Variants in NFIB observed in about 807,000 individuals in gnomAD.
NFIB encodes the protein nuclear factor 1 B-type.
Under a neutral mutation model 61.5 loss-of-function variants are expected in NFIB, and 11 were observed. That is an observed-to-expected ratio of 0.18 (90% CI 0.11 to 0.30). The LOEUF is 0.30. Ranked by LOEUF, NFIB falls within the 10% of genes least tolerant of loss-of-function variation. The pLI is 1.00. For synonymous variants in NFIB, 260 were observed against 216.5 expected (o/e 1.20, Z -1.76); for missense variants, 471 against 608.9 (o/e 0.77, Z 2.38).
At chr9:14,456,242 T>G in the NFIB span, among the ~76,000 whole-genome samples, 3 of 151,254 alleles carry the variant, frequency 2.0e-5, no homozygotes, top group African/African-American at 7.3e-5. Context: ...GGCATGAAAG[T>G]GAATATCACT....
intron 1 of NFIB, among the ~76,000 whole-genome samples, chr9:14,395,087 A>G (rs1417421941): frequency 6.6e-6 from 1 of 152,092 alleles, no homozygotes; most frequent in Non-Finnish European, 1.5e-5. Flanking sequence ...TTCTGCTTTT[A>G]CTAGACTGGT....
intron 2 of NFIB, among the ~76,000 whole-genome samples, chr9:14,197,896 A>G (rs1223920792): frequency 2.0e-5 from 3 of 152,228 alleles, no homozygotes; most frequent in Non-Finnish European, 2.9e-5. Context: ...CAAGAAAGAC[A>G]GCATATCTCG....
intron 2 of NFIB, among the ~76,000 whole-genome samples, chr9:14,236,073 T>A (rs567398339): frequency 1.3e-5 from 2 of 152,192 alleles, no homozygotes; most frequent in African/African-American, 4.8e-5. Context: ...GCATTGATCA[T>A]AACACAATAA....
At chr9:14,527,066 A>G in the NFIB span, among the ~76,000 whole-genome samples, 3 of 152,226 alleles carry the variant, frequency 2.0e-5, no homozygotes, top group African/African-American at 7.2e-5. Context: ...TTCCCACATA[A>G]GAAAGTATCT....
chr9:14,512,165 C>T, the NFIB span, among the ~76,000 whole-genome samples: 1 of 152,110 alleles, frequency 6.6e-6, no homozygotes, highest in Non-Finnish European at 1.5e-5. Flanking sequence ...CCATGAGTAG[C>T]GCTGGTCCCA....
chr9:14,157,757 T>C lies in NFIB; in HGVS notation c.617-1864A>G, dbSNP rs541797402. On this transcript the variant is annotated intron_variant, in intron 3 of 10. Coordinates refer to ENST00000380953, the MANE Select transcript of NFIB (RefSeq NM_001190737.2). ...TCTTCTGGACCACTGTAACTTACTA[T>C]CATATAGAAAGATTTTTGTTGCTTT... Among the ~76,000 whole-genome samples, 5 of 152,270 alleles carry C rather than the reference T, an allele frequency of 3.3e-5. No individual in the cohort carries two copies. In the South Asian group the frequency reaches 1.0e-3, roughly 32 times the overall value.
chr9:14,492,054 G>A, the NFIB span, among the ~76,000 whole-genome samples: 4 of 152,092 alleles, frequency 2.6e-5, no homozygotes, highest in African/African-American at 9.7e-5. Context: ...AGAAATACCT[G>A]AGACTGGGTA....
chr9:14,448,722 G>A, the NFIB span, among the ~76,000 whole-genome samples: 1 of 152,324 alleles, frequency 6.6e-6, no homozygotes, highest in East Asian at 1.9e-4. Flanking sequence ...TGGGAGCACA[G>A]AGCTGTGTAC....
chr9:14,296,959 C>T (rs1417883458), intron 2 of NFIB, among the ~76,000 whole-genome samples: 1 of 152,170 alleles, frequency 6.6e-6, no homozygotes. Flanking sequence ...ATCTAAGCCC[C>T]GCCTTTCTCT....
chr9:14,500,293 G>A, the NFIB span, among the ~76,000 whole-genome samples: 5 of 152,288 alleles, frequency 3.3e-5, no homozygotes, highest in South Asian at 2.1e-4. Flanking sequence ...TCCCTAAGAC[G>A]TTAAGTGGGT....
In NFIB at chr9:14,146,701, C is replaced by G. The variant is rs2042310864; in HGVS notation, c.913G>C (p.Glu305Gln). 6.2e-7 allele frequency: 1 copy of G among 1,612,964 alleles called. No individual in the cohort carries two copies. The highest frequency in any genetic ancestry group is 8.5e-7 in the Non-Finnish European group (1 of 1,179,436). Reference sequence around the variant, plus strand: ...CCTTATTACTCACCTTGATCTCTTTCGTGCCATGTTCGACTTCCAGCAGCT... The same window carrying G: ...CCTTATTACTCACCTTGATCTCTTTGGTGCCATGTTCGACTTCCAGCAGCT... The part of the protein sequence containing the change: ...SPAAGSRTWH[E>Q]RDQDMSSPTT... The change falls in exon 6 of 11, where the codon GAA (glutamate) becomes CAA (glutamine). Residue 305 changes from glutamate (E) to glutamine (Q), a missense_variant. Glu to Gln is a conservative substitution (Grantham distance 29). Transcript: ENST00000380953.
chr9:14,352,439 A>C (rs1255031897), intron 1 of NFIB, among the ~76,000 whole-genome samples: 1 of 152,084 alleles, frequency 6.6e-6, no homozygotes, highest in African/African-American at 2.4e-5. Flanking sequence ...GAGCGAGGCC[A>C]CAGGTAAAAA....
chr9:14,125,591 G>C (rs2039541734), intron 7 of NFIB, 41 bp downstream of exon 7: 4 of 1,610,914 alleles, frequency 2.5e-6, no homozygotes, highest in Non-Finnish European at 3.4e-6. Context: ...AGGCCCTACA[G>C]ACAAGAAGGA....
chr9:14,509,359 T>A, the NFIB span, among the ~76,000 whole-genome samples: 2 of 152,192 alleles, frequency 1.3e-5, no homozygotes, highest in Non-Finnish European at 2.9e-5. Context: ...CAAGATAATA[T>A]GGCAAAATTA....
the NFIB span, among the ~76,000 whole-genome samples, chr9:14,523,623 T>C: frequency 6.6e-6 from 1 of 152,174 alleles, no homozygotes; most frequent in South Asian, 2.1e-4. Context: ...AATAACAAAA[T>C]ATACAAAAAG....
At chr9:14,095,466 T>C (rs1313564304) in intron 10 of NFIB, among the ~76,000 whole-genome samples, 2 of 152,248 alleles carry the variant, frequency 1.3e-5, no homozygotes, top group African/African-American at 2.4e-5. Flanking sequence ...TTCCAGCCTC[T>C]TTCTGTCTGT....
At chr9:14,280,267 T>C (rs929174741) in intron 2 of NFIB, among the ~76,000 whole-genome samples, 1 of 152,170 alleles carries the variant, frequency 6.6e-6, no homozygotes, top group South Asian at 2.1e-4. Context: ...ATAATTTTTC[T>C]GTTCTTTCGT....
the NFIB span, among the ~76,000 whole-genome samples, chr9:14,466,550 C>T: frequency 6.6e-6 from 1 of 152,266 alleles, no homozygotes; most frequent in Admixed American, 6.5e-5. Flanking sequence ...GCGGGTGCTT[C>T]CAGCCTGAAA....
chr9:14,416,342 C>A, the NFIB span, among the ~76,000 whole-genome samples: 3 of 152,062 alleles, frequency 2.0e-5, no homozygotes, highest in Middle Eastern at 3.4e-3. Flanking sequence ...AGGAGGTATT[C>A]CAGAAGAAGG....
Sources: allele counts gnomAD v4.1 joint callset (sites outside exome capture counted in the v4.1 genomes callset), GRCh38; gene constraint gnomAD v4.1.1; transcripts MANE v1.5; gene names NCBI Gene and HGNC (gene_info 2026-07-23, HGNC 2026-07-21).